The following MAP2K6 variants were observed in gnomAD, a reference collection of about 807,000 sequenced individuals.
MAP2K6 encodes the protein mitogen-activated protein kinase kinase 6, also known as dual specificity mitogen-activated protein kinase kinase 6.
MAP2K6 carries 16 observed loss-of-function variants against 53.7 expected under a neutral mutation model. That is an observed-to-expected ratio of 0.30 (90% confidence interval 0.20 to 0.45). The LOEUF (loss-of-function observed/expected upper bound fraction) is 0.45, where lower values mean the gene tolerates loss of function less well. Among genes scored for constraint, MAP2K6 ranks in the 20% least tolerant of loss-of-function variants. The pLI, the probability that MAP2K6 is intolerant of heterozygous loss-of-function variation, is 1.00. For synonymous variants in MAP2K6, 132 were observed against 143.1 expected (o/e 0.92, Z 0.55); for missense variants, 204 against 411.9 (o/e 0.50, Z 4.37).
chr17:69,466,992 G>A (rs973983217), intron 1 of MAP2K6, among the ~76,000 whole-genome samples: 3 of 152,156 alleles, frequency 2.0e-5, no homozygotes, highest in African/African-American at 7.2e-5. Context: ...CATGAAATCT[G>A]TTGCAAAGAT....
chr17:69,490,070 A>G (rs964717544), intron 1 of MAP2K6, among the ~76,000 whole-genome samples: 1 of 152,156 alleles, frequency 6.6e-6, no homozygotes, highest in African/African-American at 2.4e-5. Flanking sequence ...ATTTTCTATT[A>G]TTTTGGCCGC....
intron 1 of MAP2K6, among the ~76,000 whole-genome samples, chr17:69,417,772 A>G (rs1305061887): frequency 6.6e-6 from 1 of 152,246 alleles, no homozygotes; most frequent in Non-Finnish European, 1.5e-5. Flanking sequence ...GTTATCAGCC[A>G]TAATGATCTC....
rs1426115901 is a variant in MAP2K6, at chr17:69,519,314, G to A, written c.248G>A (p.Arg83Gln). The A allele has an allele frequency of 1.2e-6, 2 of 1,613,028 alleles. No individual in the cohort carries two copies. The highest frequency in any genetic ancestry group is 1.3e-5 in the African/African-American group (1 of 74,842). ...VPSGQIMAVKRIRATVNSQEQ... is the reference protein window; with the variant it reads ...VPSGQIMAVKQIRATVNSQEQ... ...AATTTTCCATGCATTTCCATTCAGCGGATCCGAGCCACAGTAAATAGCCAG... is the reference window on the plus strand; with the variant it reads ...AATTTTCCATGCATTTCCATTCAGCAGATCCGAGCCACAGTAAATAGCCAG... Residue 83 changes from arginine (R) to glutamine (Q), a missense_variant and splice_region_variant, in exon 5 of 12, where the codon CGG (arginine) becomes CAG (glutamine). This residue lies in a region of MAP2K6 where 129 missense variants were observed against 247.1 expected (regional missense o/e 0.52). Coordinates refer to ENST00000590474, the MANE Select transcript of MAP2K6 (RefSeq NM_002758.4).
chr17:69,516,972 T>G, intron 3 of MAP2K6, 69 bp downstream of exon 3: 1 of 1,259,352 alleles, frequency 7.9e-7, no homozygotes, highest in Non-Finnish European at 1.1e-6. Context: ...GACTGAAAAA[T>G]TTATTTTCCC....
At chr17:69,424,540 A>G (rs1906203216) in intron 1 of MAP2K6, among the ~76,000 whole-genome samples, 1 of 152,230 alleles carries the variant, frequency 6.6e-6, no homozygotes, top group Non-Finnish European at 1.5e-5. Context: ...CCAAACCGAT[A>G]GTGGCAGAGC....
At chr17:69,502,177 C>T in intron 1 of MAP2K6, 14 of 985,484 alleles carry the variant, frequency 1.4e-5, no homozygotes, top group African/African-American at 1.7e-5. Context: ...TCCCTTCTCC[C>T]TTCCTGAAGC....
chr17:69,511,847 C>T (rs975620156), intron 2 of MAP2K6, among the ~76,000 whole-genome samples: 1 of 152,262 alleles, frequency 6.6e-6, no homozygotes, highest in Non-Finnish European at 1.5e-5. Flanking sequence ...GGCGTGGTGG[C>T]GGGCACCTGT....
intron 2 of MAP2K6, among the ~76,000 whole-genome samples, chr17:69,507,994 C>T (rs989264327): frequency 1.4e-5 from 2 of 141,186 alleles, no homozygotes; most frequent in East Asian, 2.2e-4. Context: ...TTGGTATTAT[C>T]AGTGTTTTTC....
intron 1 of MAP2K6, among the ~76,000 whole-genome samples, chr17:69,452,399 T>C (rs1336741063): frequency 3.3e-5 from 5 of 152,114 alleles, no homozygotes; most frequent in African/African-American, 7.2e-5. Context: ...TGTCTGAGTA[T>C]TGAATCCACA....
chr17:69,425,383 G>A (rs1690698283), intron 1 of MAP2K6, among the ~76,000 whole-genome samples: 1 of 151,870 alleles, frequency 6.6e-6, no homozygotes, highest in African/African-American at 2.4e-5. Context: ...TGCTATCTCA[G>A]CTCACTGCAA....
intron 1 of MAP2K6, among the ~76,000 whole-genome samples, chr17:69,469,921 A>C (rs905856060): frequency 6.6e-6 from 1 of 151,918 alleles, no homozygotes; most frequent in African/African-American, 2.4e-5. Flanking sequence ...TGGGCCTGGC[A>C]TGGTGGCTCA....
At position 69,542,526 on chromosome 17, in the gene MAP2K6, A is replaced by G. The variant is rs1482187731; in HGVS notation, c.*773A>G. 1 of 152,286 alleles carries G rather than the reference A, an allele frequency of 6.6e-6. No homozygotes were observed. The highest frequency in any genetic ancestry group is 1.5e-5 in the Non-Finnish European group (1 of 68,042). The allele number at this position is 152,286 out of a possible 1,614,324, so 9.4% of individuals were successfully genotyped here. A position where few individuals can be genotyped will look rare whatever the true frequency, so the allele number is the denominator to read the frequency against. On this transcript the variant is annotated 3_prime_UTR_variant, in exon 12 of 12. Coordinates refer to ENST00000590474, the MANE Select transcript of MAP2K6 (RefSeq NM_002758.4). Reference sequence around the variant, plus strand: ...GAGTAAAACATTTGGTTCTTCTGACACTTGTGGTATAGTATTAGTGGAAAG... The same window carrying G: ...GAGTAAAACATTTGGTTCTTCTGACGCTTGTGGTATAGTATTAGTGGAAAG...
At position 69,437,833 on chromosome 17, in the gene MAP2K6, G is replaced by A. The variant is rs538607706; in HGVS notation, c.16+22833G>A. On this transcript the variant is annotated intron_variant, in intron 1 of 11. Coordinates refer to ENST00000590474, the MANE Select transcript of MAP2K6 (RefSeq NM_002758.4). Reference sequence around the variant, plus strand: ...ATTCCTATAAATGGAATTATACAATGTATGGCCTTTTGTGTGTGACTTCTG... The same window carrying A: ...ATTCCTATAAATGGAATTATACAATATATGGCCTTTTGTGTGTGACTTCTG... 8.5e-5 allele frequency among the ~76,000 whole-genome samples: 13 copies of A among 152,358 alleles called. No individual in the cohort carries two copies. The South Asian group carries it at 2.5e-3, about 29-fold the overall frequency.
chr17:69,440,117 G>T (rs1906770339), intron 1 of MAP2K6, among the ~76,000 whole-genome samples: 1 of 151,490 alleles, frequency 6.6e-6, no homozygotes, highest in African/African-American at 2.4e-5. Flanking sequence ...GCATGATCTC[G>T]GCTCACTGCA....
intron 1 of MAP2K6, among the ~76,000 whole-genome samples, chr17:69,437,892 G>A (rs1906698962): frequency 6.6e-6 from 1 of 152,256 alleles, no homozygotes; most frequent in Non-Finnish European, 1.5e-5. Flanking sequence ...GTTCATCCAT[G>A]TTGTAGCATG....
chr17:69,548,414 A>C lies in MAP2K6; in HGVS notation c.*6661A>C, dbSNP rs182977471. On this transcript the variant is annotated 3_prime_UTR_variant, in exon 12 of 12. Transcript: ENST00000590474. Reference sequence around the variant, plus strand: ...AATGCTATAAAAAGGACAGTCTGCCAGTGACCGAAGCTTTCTCATTTTTTT... The same window carrying C: ...AATGCTATAAAAAGGACAGTCTGCCCGTGACCGAAGCTTTCTCATTTTTTT... 9.9e-5 allele frequency: 15 copies of C among 150,798 alleles called. No individual in the cohort carries two copies. Among genetic ancestry groups the C allele is most frequent in the African/African-American group, 2.9e-4 (12 of 41,330 alleles). 9.3% of individuals were successfully genotyped at this position (150,798 alleles called of 1,614,324 possible).
At chr17:69,498,556 C>T (rs1195255906) in intron 1 of MAP2K6, among the ~76,000 whole-genome samples, 1 of 151,900 alleles carries the variant, frequency 6.6e-6, no homozygotes, top group Non-Finnish European at 1.5e-5. Context: ...GCTTCAGTGA[C>T]ACAACTACAA....
chr17:69,516,104 C>T (rs1178604049), intron 2 of MAP2K6, among the ~76,000 whole-genome samples: 1 of 152,018 alleles, frequency 6.6e-6, no homozygotes, highest in Non-Finnish European at 1.5e-5. Context: ...GATTCAAGCA[C>T]ATTACATTTA....
chr17:69,498,973 G>A (rs1302788812), intron 1 of MAP2K6, among the ~76,000 whole-genome samples: 2 of 152,148 alleles, frequency 1.3e-5, no homozygotes, highest in African/African-American at 4.8e-5. Context: ...ATCTGGTGGA[G>A]TGTGGTATTA....
Sources: gnomAD v4.1 joint callset for allele counts (sites outside exome capture counted in the v4.1 genomes callset) on GRCh38, gnomAD v4.1.1 for gene constraint, gnomAD v4.1.1 regional missense constraint, MANE v1.5 for transcripts, NCBI Gene and HGNC (gene_info 2026-07-23, HGNC 2026-07-21) for gene names.